Variants in SNTG2 observed in about 807,000 individuals in gnomAD.
The protein encoded by SNTG2 is gamma-2-syntrophin.
Under a neutral mutation model 70.9 loss-of-function variants are expected in SNTG2, and 74 were observed. The ratio of observed to expected loss-of-function variants is 1.04; its 90% CI spans 0.86 to 1.27. The LOEUF (loss-of-function observed/expected upper bound fraction) is 1.27, where lower values mean the gene tolerates loss of function less well. SNTG2 is among the 50% of genes most tolerant of loss of function. The pLI, the probability that SNTG2 is intolerant of heterozygous loss-of-function variation, is 0.00. For synonymous variants in SNTG2, 278 were observed against 273.8 expected (o/e 1.02, Z -0.15); for missense variants, 717 against 690.7 (o/e 1.04, Z -0.43).
In SNTG2 at chr2:1,075,904, A is replaced by G. The variant is rs968531661; in HGVS notation, c.73-7614A>G. The stretch of plus-strand genomic sequence containing the variant: ...TAGGAACTTTCACAAATACCGTCTC[A>G]TTTACCCATTTGCGTGTCTGAATAA... On this transcript the variant is annotated intron_variant, in intron 1 of 16. Transcript: ENST00000308624. Among the ~76,000 whole-genome samples the G allele has an allele frequency of 5.3e-5, 8 of 152,166 alleles. No homozygotes were observed. In the East Asian group the frequency reaches 5.8e-4, roughly 11 times the overall value.
chr2:1,128,145 A>AAGAAGTGTTAAATTTTATT (rs1323824688), intron 4 of SNTG2, among the ~76,000 whole-genome samples: 1 of 143,148 alleles, frequency 7.0e-6, no homozygotes, highest in Non-Finnish European at 1.5e-5. Flanking sequence ...TTTTGTCATG[A>AAGAAGTGTTAAATTTTATT]AGAAGTGTTA....
At chr2:1,155,443 G>T (rs1333982450) in intron 6 of SNTG2, among the ~76,000 whole-genome samples, 1 of 151,792 alleles carries the variant, frequency 6.6e-6, no homozygotes, top group Non-Finnish European at 1.5e-5. Flanking sequence ...CACCACATAT[G>T]TACACACACA....
chr2:1,033,518 T>G (rs1041084038), intron 1 of SNTG2, among the ~76,000 whole-genome samples: 2 of 136,294 alleles, frequency 1.5e-5, no homozygotes, highest in African/African-American at 4.9e-5. Context: ...GAGACGGGGA[T>G]GGAAACAGGG....
At chr2:1,130,908 C>G (rs973311882) in intron 4 of SNTG2, among the ~76,000 whole-genome samples, 4 of 152,196 alleles carry the variant, frequency 2.6e-5, no homozygotes, top group African/African-American at 9.7e-5. Flanking sequence ...ATAGCTAAAT[C>G]CTGCAGCCTA....
At chr2:1,046,846 G>A (rs1372215415) in intron 1 of SNTG2, among the ~76,000 whole-genome samples, 3 of 151,996 alleles carry the variant, frequency 2.0e-5, no homozygotes, top group Non-Finnish European at 4.4e-5. Context: ...GGAAGCTGGT[G>A]ATCTTTTATA....
intron 1 of SNTG2, among the ~76,000 whole-genome samples, chr2:974,549 T>A (rs948338577): frequency 6.6e-6 from 1 of 152,218 alleles, no homozygotes; most frequent in Admixed American, 6.5e-5. Context: ...TGCCTCAGTC[T>A]TTGCTGGACC....
chr2:1,355,825 T>TC (rs770732266), intron 16 of SNTG2, among the ~76,000 whole-genome samples: 1 of 152,234 alleles, frequency 6.6e-6, no homozygotes, highest in Non-Finnish European at 1.5e-5. Flanking sequence ...TTGCAGCTTC[T>TC]CCACACCGTT....
At chr2:1,356,728 T>A (rs139703133) in intron 16 of SNTG2, among the ~76,000 whole-genome samples, 1 of 152,202 alleles carries the variant, frequency 6.6e-6, no homozygotes, top group African/African-American at 2.4e-5. Context: ...TTTTGATGGA[T>A]GTTGCATTGA....
intron 16 of SNTG2, 66 bp downstream of exon 16, chr2:1,316,441 G>A (rs1024939499): frequency 2.1e-5 from 17 of 794,188 alleles, no homozygotes; most frequent in East Asian, 2.0e-4. Context: ...CAGAGGGTCC[G>A]CTGGTAAAAA....
At chr2:1,257,832 A>G (rs1465214396) in intron 12 of SNTG2, among the ~76,000 whole-genome samples, 3 of 152,342 alleles carry the variant, frequency 2.0e-5, no homozygotes, top group East Asian at 1.9e-4. Flanking sequence ...ATTTAATGAC[A>G]TGGGAAAATG....
intron 14 of SNTG2, among the ~76,000 whole-genome samples, chr2:1,283,660 G>C (rs1367874194): frequency 6.6e-6 from 1 of 152,082 alleles, no homozygotes; most frequent in East Asian, 1.9e-4. Flanking sequence ...CCTGTGTGTG[G>C]CCCTGGCTTC....
chr2:1,066,322 A>G (rs1663148412), intron 1 of SNTG2, among the ~76,000 whole-genome samples: 1 of 152,162 alleles, frequency 6.6e-6, no homozygotes, highest in Non-Finnish European at 1.5e-5. Flanking sequence ...TTCGCAGCCC[A>G]ACTCATTCAA....
intron 1 of SNTG2, among the ~76,000 whole-genome samples, chr2:972,570 C>A (rs1341927127): frequency 6.6e-6 from 1 of 152,144 alleles, no homozygotes; most frequent in Non-Finnish European, 1.5e-5. Flanking sequence ...TGTGTCCCCA[C>A]CCAAATCTCA....
At chr2:1,361,106 C>T (rs1661117842) in intron 16 of SNTG2, among the ~76,000 whole-genome samples, 1 of 152,220 alleles carries the variant, frequency 6.6e-6, no homozygotes, top group Admixed American at 6.5e-5. Flanking sequence ...AGTGCTTTTT[C>T]TAGCTTTGCC....
chr2:1,347,286 T>C (rs995331843), intron 16 of SNTG2, among the ~76,000 whole-genome samples: 2 of 152,078 alleles, frequency 1.3e-5, no homozygotes, highest in African/African-American at 4.8e-5. Flanking sequence ...GGGTTAGAGC[T>C]CCAGCCAGGG....
chr2:1,356,618 A>T (rs911302868), intron 16 of SNTG2, among the ~76,000 whole-genome samples: 7 of 152,190 alleles, frequency 4.6e-5, no homozygotes, highest in African/African-American at 1.7e-4. Context: ...AGATGCCTCC[A>T]ACTTTGTTCT....
chr2:1,352,083 G>T (rs1264776288), intron 16 of SNTG2, among the ~76,000 whole-genome samples: 2 of 152,168 alleles, frequency 1.3e-5, no homozygotes, highest in Non-Finnish European at 2.9e-5. Flanking sequence ...GCCCCACAGG[G>T]TGACCATCGC....
At chr2:1,100,227 C>T (rs560551904) in intron 4 of SNTG2, among the ~76,000 whole-genome samples, 64 of 152,020 alleles carry the variant, frequency 4.2e-4, no homozygotes, top group African/African-American at 1.4e-3. Context: ...AGTGCAGAGG[C>T]GCGATCTCGG....
At chr2:1,061,608 T>G (rs1662829524) in intron 1 of SNTG2, among the ~76,000 whole-genome samples, 1 of 152,214 alleles carries the variant, frequency 6.6e-6, no homozygotes, top group Non-Finnish European at 1.5e-5. Flanking sequence ...TGGTGCTTCA[T>G]GGGATAGCAG....
Sources: allele counts gnomAD v4.1 joint callset (sites outside exome capture counted in the v4.1 genomes callset), GRCh38; gene constraint gnomAD v4.1.1; transcripts MANE v1.5; gene names NCBI Gene and HGNC (gene_info 2026-07-23, HGNC 2026-07-21).